PKN2: variants seen among roughly 807,000 people sequenced by gnomAD.
The protein encoded by PKN2 is serine/threonine-protein kinase N2.
In PKN2, 38 loss-of-function variants were observed where a neutral mutation model predicts 119.1. The observed-to-expected ratio is 0.32, with a 90% confidence interval of 0.25 to 0.42. PKN2 has a LOEUF of 0.42. Among genes scored for constraint, PKN2 ranks in the 10% least tolerant of loss-of-function variants. The probability of loss-of-function intolerance (pLI) is 1.00; values close to 1 mark genes in which losing one functional copy is unlikely to be tolerated. For synonymous variants in PKN2, 390 were observed against 384.9 expected, an observed-to-expected ratio of 1.01 and a Z score of -0.15; for missense variants, 850 against 1,165.1, an observed-to-expected ratio of 0.73 and a Z score of 3.94.
At chr1:88,806,147 T>C in intron 12 of PKN2, 130 bp downstream of exon 12, 1 of 863,636 alleles carries the variant, frequency 1.2e-6, no homozygotes, top group African/African-American at 1.7e-5. Flanking sequence ...TTTTTGTTTG[T>C]TTTTTGTTTT....
intron 2 of PKN2, among the ~76,000 whole-genome samples, chr1:88,750,485 T>G (rs1003985009): frequency 6.6e-6 from 1 of 152,172 alleles, no homozygotes; most frequent in African/African-American, 2.4e-5. Flanking sequence ...AAATTCAGTA[T>G]TTACTCCTTA....
intron 18 of PKN2, among the ~76,000 whole-genome samples, chr1:88,827,240 A>G (rs6692874): frequency 0.067 from 10,160 of 152,182 alleles, 695 homozygotes; most frequent in African/African-American, 0.18. Flanking sequence ...AGGAACATAT[A>G]TTTAAAAACT....
chr1:88,754,490 T>C (rs1359305800), intron 2 of PKN2, among the ~76,000 whole-genome samples: 1 of 152,210 alleles, frequency 6.6e-6, no homozygotes, highest in Non-Finnish European at 1.5e-5. Context: ...GACTAGAGAA[T>C]GGTTAGGGAA....
intron 1 of PKN2, among the ~76,000 whole-genome samples, chr1:88,701,210 G>T (rs1051590485): frequency 6.6e-6 from 1 of 152,212 alleles, no homozygotes; most frequent in Non-Finnish European, 1.5e-5. Flanking sequence ...TTGGGAGGCT[G>T]AGGCGGGTGG....
chr1:88,752,956 C>G (rs1230399419), intron 2 of PKN2, among the ~76,000 whole-genome samples: 2 of 151,832 alleles, frequency 1.3e-5, no homozygotes, highest in East Asian at 1.9e-4. Context: ...TTTAATGTTT[C>G]TTTTTCTTTC....
chr1:88,717,370 G>A (rs1317958734), intron 1 of PKN2, among the ~76,000 whole-genome samples: 11 of 152,100 alleles, frequency 7.2e-5, no homozygotes, highest in Non-Finnish European at 1.5e-5. Flanking sequence ...AGTTCTCCTG[G>A]ATAATATCCT....
At chr1:88,779,894 A>G (rs769496226) in intron 6 of PKN2, among the ~76,000 whole-genome samples, 3 of 152,244 alleles carry the variant, frequency 2.0e-5, no homozygotes, top group Non-Finnish European at 4.4e-5. Context: ...TGGGATACCA[A>G]AGTGAATTCA....
intron 6 of PKN2, among the ~76,000 whole-genome samples, chr1:88,783,978 A>G (rs942540702): frequency 1.3e-5 from 2 of 152,196 alleles, no homozygotes; most frequent in South Asian, 2.1e-4. Context: ...TGGTATTCAC[A>G]TAGTGAGACT....
intron 1 of PKN2, among the ~76,000 whole-genome samples, chr1:88,724,980 T>C (rs1218752691): frequency 7.0e-6 from 1 of 143,760 alleles, no homozygotes; most frequent in African/African-American, 2.6e-5. Flanking sequence ...CACTGCAGCC[T>C]CCCCATCCCA....
chr1:88,741,394 A>G (rs1668574606), intron 2 of PKN2, 106 bp downstream of exon 2: 2 of 692,724 alleles, frequency 2.9e-6, no homozygotes, highest in African/African-American at 1.9e-5. Context: ...AGCTTTTCTG[A>G]AAGTAGAGAG....
At position 88,828,495 on chromosome 1, in the gene PKN2, G is replaced by C. The variant is rs1223152007; in HGVS notation, c.2434G>C (p.Asp812His). 6.2e-7 allele frequency: 1 copy of C among 1,611,042 alleles called. No homozygotes were observed. The highest frequency in any genetic ancestry group is 1.7e-5 in the Admixed American group (1 of 59,976). ...GLCKEGMGYG[D>H]RTSTFCGTPE... is the part of the protein sequence containing the mutation. ...ATCTTTTCCAGGAATGGGATATGGA[G>C]ATAGAACAAGCACATTTTGTGGCAC... Residue 812 changes from aspartate to histidine, a missense_variant, in exon 19 of 22, where the codon GAT (aspartate) becomes CAT (histidine). Physicochemically the swap from Asp to His is moderately conservative, Grantham distance 81. Transcript: ENST00000370521.
At chr1:88,802,771 C>G (rs1378075696) in intron 8 of PKN2, among the ~76,000 whole-genome samples, 1 of 152,136 alleles carries the variant, frequency 6.6e-6, no homozygotes, top group Non-Finnish European at 1.5e-5. Flanking sequence ...AAAATCTTAC[C>G]ATTTTAGCCA....
rs374868325 is a variant in PKN2, at chr1:88,833,394, G to A, written c.2901G>A (p.Ser967=). The change falls in exon 22 of 22, where the codon TCG becomes TCA. Residue 967 remains serine, a synonymous_variant. Transcript: ENST00000370521. ...LTPPREPRIL[S]EEEQEMFRDF... Reference sequence around the variant, plus strand: ...CACCTCGAGAACCAAGGATACTTTCGGAAGAGGAGCAGGAAATGTTCAGAG... The same window carrying A: ...CACCTCGAGAACCAAGGATACTTTCAGAAGAGGAGCAGGAAATGTTCAGAG... The A allele has an allele frequency of 2.9e-5, 47 of 1,613,184 alleles. No homozygotes were observed. The highest frequency in any genetic ancestry group is 5.0e-5 in the Admixed American group (3 of 59,922).
intron 2 of PKN2, among the ~76,000 whole-genome samples, chr1:88,748,626 A>G (rs1470421823): frequency 1.3e-5 from 2 of 152,172 alleles, no homozygotes; most frequent in African/African-American, 2.4e-5. Flanking sequence ...GTCATGTGGT[A>G]ACATATGTTT....
chr1:88,692,444 T>G (rs1666371669), intron 1 of PKN2, among the ~76,000 whole-genome samples: 1 of 152,228 alleles, frequency 6.6e-6, no homozygotes, highest in African/African-American at 2.4e-5. Context: ...GATGCAGAAC[T>G]TTCAATATGG....
At chr1:88,779,297 T>G (rs1166975120) in intron 6 of PKN2, among the ~76,000 whole-genome samples, 4 of 152,174 alleles carry the variant, frequency 2.6e-5, no homozygotes, top group African/African-American at 9.7e-5. Context: ...TAGTAAACCT[T>G]TGAATGTTTT....
intron 1 of PKN2, among the ~76,000 whole-genome samples, chr1:88,704,837 T>C (rs571801827): frequency 6.6e-6 from 1 of 151,256 alleles, no homozygotes; most frequent in Non-Finnish European, 1.5e-5. Flanking sequence ...CAATACTTGG[T>C]ACAGTTAATA....
chr1:88,720,599 GC>G (rs1427448086), intron 1 of PKN2, among the ~76,000 whole-genome samples: 3 of 152,098 alleles, frequency 2.0e-5, no homozygotes, highest in Non-Finnish European at 4.4e-5. Context: ...TGTATAAGTA[GC>G]CCTTTTCAAA....
intron 8 of PKN2, among the ~76,000 whole-genome samples, chr1:88,797,587 A>T (rs899220105): frequency 6.6e-6 from 1 of 150,714 alleles, no homozygotes; most frequent in African/African-American, 2.4e-5. Context: ...AGTTGCAGTG[A>T]GCGGAGATTG....
Sources: gnomAD v4.1 joint callset for allele counts (sites outside exome capture counted in the v4.1 genomes callset) on GRCh38, gnomAD v4.1.1 for gene constraint, MANE v1.5 for transcripts, NCBI Gene and HGNC (gene_info 2026-07-23, HGNC 2026-07-21) for gene names.